The following ACAP3 variants were observed in gnomAD, a reference collection of about 807,000 sequenced individuals.
The protein encoded by ACAP3 is ArfGAP with coiled-coil, ankyrin repeat and PH domains 3.
A neutral mutation model predicts 104.1 loss-of-function variants in ACAP3; 56 were observed. The ratio of observed to expected loss-of-function variants is 0.54; its 90% confidence interval spans 0.43 to 0.67. ACAP3 has a LOEUF of 0.67. Among genes scored for constraint, ACAP3 ranks in the 30% least tolerant of loss-of-function variants. The pLI is 0.00. For synonymous variants in ACAP3, 628 were observed against 496.2 expected (o/e 1.27, Z -3.53); for missense variants, 1,208 against 1,174.9 (o/e 1.03, Z -0.41).
rs371248406 is a variant in ACAP3 at position 1,295,901 on chromosome 1, C to G, written c.1540G>C (p.Glu514Gln). The G allele has an allele frequency of 3.1e-6, 5 of 1,612,302 alleles. No individual in the cohort carries two copies. The highest frequency in any genetic ancestry group is 1.6e-4 in the Middle Eastern group (1 of 6,062). ...GGCGCCTTCCGCAGAAACTTCTTTT[C>G]CACGTATTTGTCCTTGATCCAGGCC... ...KEAWIKDKYV[E>Q]KKFLRKAPMA... The change falls in exon 18 of 24, where the codon GAA (glutamate) becomes CAA (glutamine). Residue 514 changes from glutamate (E) to glutamine (Q), a missense_variant. Physicochemically the swap from Glu to Gln is conservative, Grantham distance 29. Transcript: ENST00000354700.
Position 1,295,732 on chromosome 1 carries a change from C to T in ACAP3, c.1705+4G>A. 6.3e-7 allele frequency: 1 copy of T among 1,595,410 alleles called. No homozygotes were observed. The highest frequency in any genetic ancestry group is 1.1e-5 in the South Asian group (1 of 90,540). The stretch of plus-strand genomic sequence containing the variant: ...CCCAGCCCTGCCGGGGCATGGCCTC[C>T]CACCTGAGGACAGAGCGGCCACACA... On this transcript the variant is annotated splice_donor_region_variant and intron_variant, in intron 18 of 23. Coordinates refer to ENST00000354700, the MANE Select transcript of ACAP3 (RefSeq NM_030649.3).
At position 1,299,736 on chromosome 1, in the gene ACAP3, G is replaced by A. The variant is rs758030915; in HGVS notation, c.738+95C>T. On this transcript the variant is annotated intron_variant, in intron 9 of 23. Coordinates refer to ENST00000354700, the MANE Select transcript of ACAP3 (RefSeq NM_030649.3). The stretch of plus-strand genomic sequence containing the variant: ...GGGCAGGGCAGGTGGGAGACAGGCA[G>A]GAGGAAGGGGCGGGGAGGGTGTGCC... 1,318 of 1,367,824 alleles carry A rather than the reference G, an allele frequency of 9.6e-4. 1 individual carries two copies. Among genetic ancestry groups the A allele is most frequent in the Non-Finnish European group, 1.2e-3 (1,244 of 1,009,856 alleles). 84.7% of individuals were successfully genotyped at this position (1,367,824 alleles called of 1,614,324 possible).
Position 1,302,799 on chromosome 1 carries a change from C to G in ACAP3, c.279+123G>C, listed in dbSNP as rs115393821. 3.9e-5 allele frequency: 11 copies of G among 284,142 alleles called. 1 individual carries two copies. The highest frequency in any genetic ancestry group is 4.9e-5 in the Admixed American group (1 of 20,212). The allele number at this position is 284,142 out of a possible 1,614,324, so 17.6% of individuals were successfully genotyped here. A position where few individuals can be genotyped will look rare whatever the true frequency, so the allele number is the denominator to read the frequency against. On this transcript the variant is annotated intron_variant, in intron 4 of 23. Transcript: ENST00000354700. The stretch of plus-strand genomic sequence containing the variant: ...ACTGACTTGAAAATGTGGGATTCCC[C>G]CCCCCCCCGACTAGAGGAGCAGAAA...
chr1:1,304,539 C>T (rs1450348724), intron 1 of ACAP3: 1 of 297,436 alleles, frequency 3.4e-6, no homozygotes, highest in African/African-American at 2.2e-5. Flanking sequence ...CTCCCCTCAC[C>T]CCACTGCACT....
intron 1 of ACAP3, chr1:1,305,524 G>C (rs1041671040): frequency 6.6e-6 from 1 of 152,432 alleles, no homozygotes. Context: ...TGGAGAGCCA[G>C]CAAGGGGGGA....
chr1:1,303,816 A>C lies in ACAP3; in HGVS notation c.105+270T>G. The C allele has an allele frequency of 1.8e-6, 1 of 545,780 alleles. No individual in the cohort carries two copies. The highest frequency in any genetic ancestry group is 3.3e-6 in the Non-Finnish European group (1 of 304,938). The allele number at this position is 545,780 out of a possible 1,614,324, so 33.8% of individuals were successfully genotyped here. A position where few individuals can be genotyped will look rare whatever the true frequency, so the allele number is the denominator to read the frequency against. ...GCTGTCCCCGTGTCACCAGCCCAGC[A>C]GAGGGGACGGGCAGCCACCGTGGGT... On this transcript the variant is annotated intron_variant, in intron 2 of 23. Coordinates refer to ENST00000354700, the MANE Select transcript of ACAP3 (RefSeq NM_030649.3). The surrounding 1 kb of genome is among the most constrained non-coding windows in gnomAD (Gnocchi z 4.0).
At chr1:1,302,091 G>A (rs1219795788) in intron 4 of ACAP3, 45 bp from the exon 5 acceptor site, 5 of 1,426,346 alleles carry the variant, frequency 3.5e-6, no homozygotes, top group East Asian at 5.2e-5. Context: ...TGTCCCGAAA[G>A]AGCCCCAGAT....
chr1:1,297,117 C>T (rs1411426117), intron 14 of ACAP3, among the ~76,000 whole-genome samples: 2 of 136,278 alleles, frequency 1.5e-5, no homozygotes, highest in Non-Finnish European at 3.3e-5. Context: ...GTGTGTGCAC[C>T]GGCACGGGGC....
intron 23 of ACAP3, 35 bp downstream of exon 23, chr1:1,293,788 G>A: frequency 6.5e-7 from 1 of 1,534,028 alleles, no homozygotes; most frequent in Non-Finnish European, 8.7e-7. Flanking sequence ...TGCCCTGGAG[G>A]CCCCGCCCAG....
chr1:1,300,522 T>C lies in ACAP3; in HGVS notation c.509A>G (p.Asp170Gly). Residue 170 changes from aspartate to glycine, a missense_variant, in exon 6 of 24, where the codon GAC (aspartate) becomes GGC (glycine). Asp to Gly is a moderately conservative substitution (Grantham distance 94). Transcript: ENST00000354700. ...TCTGGGGCTGACCTGGAGCACATAG[T>C]CCAGTGCCAGGTGGCGGAAGCACTT... Reference protein sequence around the residue: ...TRKCFRHLALDYVLQINVLQA... With the variant: ...TRKCFRHLALGYVLQINVLQA... The C allele has an allele frequency of 6.2e-7, 1 of 1,611,066 alleles. No homozygotes were observed. Among genetic ancestry groups the C allele is most frequent in the South Asian group, 1.1e-5 (1 of 90,932 alleles).
intron 6 of ACAP3, 27 bp downstream of exon 6, chr1:1,300,482 G>GC (rs761668966): frequency 3.8e-6 from 6 of 1,585,038 alleles, no homozygotes; most frequent in Non-Finnish European, 5.1e-6. Flanking sequence ...GCTGGTCCCC[G>GC]CCCCCCAGCC....
At chr1:1,307,014 A>C (rs1641748683) in intron 1 of ACAP3, 1 of 496,828 alleles carries the variant, frequency 2.0e-6, no homozygotes, top group Non-Finnish European at 3.7e-6. Flanking sequence ...GGCAAAGTTC[A>C]CAAGAGCGCA....
rs764700641 is a variant in ACAP3, at chr1:1,296,074, C to A, written c.1443G>T (p.Gln481His). ...MCELGNSAVN[Q>H]IYEAQCEGAG... is the part of the protein sequence containing the mutation. ...CACCCTCACACTGGGCCTCATAGAT[C>A]TGATTCACAGCGCTGTTTCCAAGCT... The change falls in exon 17 of 24, where the codon CAG (glutamine) becomes CAT (histidine). Residue 481 changes from glutamine (Q) to histidine (H), a missense_variant. By Grantham distance (24) the Gln-to-His change is conservative. Transcript: ENST00000354700. The A allele has an allele frequency of 3.1e-6, 5 of 1,612,682 alleles. No individual in the cohort carries two copies. Among genetic ancestry groups the A allele is most frequent in the Non-Finnish European group, 4.2e-6 (5 of 1,179,992 alleles).
At chr1:1,293,977 G>GGGGCC in intron 22 of ACAP3, 44 bp from the exon 23 acceptor site, 2 of 1,487,690 alleles carry the variant, frequency 1.3e-6, no homozygotes, top group Non-Finnish European at 1.8e-6. Flanking sequence ...GGGGCGGGGC[G>GGGGCC]GGGCGAGTGT....
chr1:1,294,042 G>A lies in ACAP3; in HGVS notation c.2249+48C>T, dbSNP rs571864917. 399 of 1,509,590 alleles carry A rather than the reference G, an allele frequency of 2.6e-4. 5 individuals are homozygous for A. In the South Asian group the frequency reaches 4.4e-3, roughly 17 times the overall value. 93.5% of individuals were successfully genotyped at this position (1,509,590 alleles called of 1,614,324 possible). A position where few individuals can be genotyped will look rare whatever the true frequency, so the allele number is the denominator to read the frequency against. ...GGCGGACAGGGCGTAGCCGGGCCGG[G>A]GTAGGCGTGGTCGGGGCACAGGGCG... On this transcript the variant is annotated intron_variant, in intron 22 of 23. Transcript: ENST00000354700.
chr1:1,293,363 G>A lies in ACAP3; in HGVS notation c.*201C>T, dbSNP rs954512136. 1.4e-5 allele frequency: 6 copies of A among 429,084 alleles called. No homozygotes were observed. In the Admixed American group the frequency reaches 1.5e-4, roughly 11 times the overall value. 26.6% of individuals were successfully genotyped at this position (429,084 alleles called of 1,614,324 possible). A position where few individuals can be genotyped will look rare whatever the true frequency, so the allele number is the denominator to read the frequency against. On this transcript the variant is annotated 3_prime_UTR_variant, in exon 24 of 24. Transcript: ENST00000354700. ...ACCCGACGATGCAGCACCCCCCCAG[G>A]GAAACGTGAGGCTTCAAGAGACTCA...
chr1:1,293,802 C>CGCCCCCGCCCTG (rs1640968410), intron 23 of ACAP3, 21 bp downstream of exon 23: 1 of 1,548,226 alleles, frequency 6.5e-7, no homozygotes, highest in Non-Finnish European at 8.7e-7. Flanking sequence ...CGCCCAGCCC[C>CGCCCCCGCCCTG]GAGGGCCCGG....
In ACAP3 at chr1:1,293,412, TG is replaced by T; in HGVS notation, c.*151del. On this transcript the variant is annotated 3_prime_UTR_variant, in exon 24 of 24. Coordinates refer to ENST00000354700, the MANE Select transcript of ACAP3 (RefSeq NM_030649.3). ...CAGTGTGGGGCCCTCGCTCTCCTCC[TG>T]GGCGAGCAGGGCCGCGGCGCCCCAG... 2 of 751,680 alleles carry T rather than the reference TG, an allele frequency of 2.7e-6. No individual in the cohort carries two copies. The highest frequency in any genetic ancestry group is 3.6e-6 in the Non-Finnish European group (2 of 554,728). The allele number at this position is 751,680 out of a possible 1,614,324, so 46.6% of individuals were successfully genotyped here.
Position 1,293,414 on chromosome 1 carries a change from G to T in ACAP3, c.*150C>A. 1.3e-6 allele frequency: 1 copy of T among 767,804 alleles called. No homozygotes were observed. The highest frequency in any genetic ancestry group is 1.9e-5 in the African/African-American group (1 of 52,868). The allele number at this position is 767,804 out of a possible 1,614,324, so 47.6% of individuals were successfully genotyped here. ...GTGTGGGGCCCTCGCTCTCCTCCTG[G>T]GCGAGCAGGGCCGCGGCGCCCCAGC... On this transcript the variant is annotated 3_prime_UTR_variant, in exon 24 of 24. Coordinates refer to ENST00000354700, the MANE Select transcript of ACAP3 (RefSeq NM_030649.3).
Sources: allele counts gnomAD v4.1 joint callset (sites outside exome capture counted in the v4.1 genomes callset), GRCh38; gene constraint gnomAD v4.1.1; non-coding constraint Gnocchi (gnomAD v3.1); transcripts MANE v1.5; gene names NCBI Gene and HGNC (gene_info 2026-07-23, HGNC 2026-07-21).